SFTPD: variants seen among roughly 807,000 people sequenced by gnomAD.
SFTPD encodes the protein surfactant protein D.
In SFTPD, 18 loss-of-function variants were observed where a neutral mutation model predicts 34.6. That is an observed-to-expected ratio of 0.52 (90% confidence interval 0.36 to 0.77). The LOEUF (loss-of-function observed/expected upper bound fraction) is 0.77. SFTPD is among the 30% of genes least tolerant of loss of function. The probability of loss-of-function intolerance (pLI) is 0.00; values close to 1 mark genes in which losing one functional copy is unlikely to be tolerated. For synonymous variants in SFTPD, 155 were observed against 180.9 expected, an observed-to-expected ratio of 0.86 and a Z score of 1.15; for missense variants, 433 against 468.9, an observed-to-expected ratio of 0.92 and a Z score of 0.71.
In SFTPD at chr10:79,981,501, T is replaced by TC. The variant is rs990525885; in HGVS notation, c.36+1073dup. Among the ~76,000 whole-genome samples the TC allele has an allele frequency of 3.2e-4, 49 of 152,160 alleles. 1 individual carries two copies. The highest frequency in any genetic ancestry group is 1.1e-3 in the African/African-American group (45 of 41,536). On this transcript the variant is annotated intron_variant, in intron 1 of 5. Coordinates refer to the SFTPD transcript ENST00000444384. The stretch of plus-strand genomic sequence containing the variant: ...GCGGCGTGAGGGCTGGGGAACCTCC[T>TC]CCCCGCCTGGGCACCCCGACCTTCG...
intron 1 of SFTPD, among the ~76,000 whole-genome samples, chr10:79,947,562 G>A (rs1380708950): frequency 2.0e-5 from 3 of 152,084 alleles, no homozygotes; most frequent in South Asian, 2.1e-4. Flanking sequence ...GTGGTGGTGC[G>A]TGCTGTAATC....
At chr10:79,971,674 T>C (rs1003500930) in intron 1 of SFTPD, 1 of 152,224 alleles carries the variant, frequency 6.6e-6, no homozygotes, top group Non-Finnish European at 1.5e-5. Context: ...TAATGACCTC[T>C]TCTATTTCTA....
chr10:79,979,667 A>T (rs1348328562), intron 1 of SFTPD, among the ~76,000 whole-genome samples: 1 of 152,212 alleles, frequency 6.6e-6, no homozygotes, highest in Non-Finnish European at 1.5e-5. Flanking sequence ...ACCCACCACC[A>T]TGGGATGAAG....
At chr10:79,938,873 T>A (rs1842584218) in intron 7 of SFTPD, among the ~76,000 whole-genome samples, 1 of 152,116 alleles carries the variant, frequency 6.6e-6, no homozygotes, top group Non-Finnish European at 1.5e-5. Context: ...TCCTAGCCAG[T>A]CAGCCTGCCT....
intron 2 of SFTPD, among the ~76,000 whole-genome samples, chr10:79,943,091 A>G (rs1842630480): frequency 6.6e-6 from 1 of 152,138 alleles, no homozygotes; most frequent in Admixed American, 6.5e-5. Context: ...GAGGCGGATT[A>G]AAGCCAAGAC....
chr10:79,947,486 T>TCC (rs1443704877), intron 1 of SFTPD, among the ~76,000 whole-genome samples: 1 of 152,122 alleles, frequency 6.6e-6, no homozygotes, highest in Non-Finnish European at 1.5e-5. Flanking sequence ...AGTCAGGAGT[T>TCC]CGAGACCAGC....
intron 7 of SFTPD, among the ~76,000 whole-genome samples, chr10:79,939,186 A>G (rs138288091): frequency 1.3e-5 from 2 of 152,300 alleles, no homozygotes; most frequent in African/African-American, 2.4e-5. Flanking sequence ...TGCCTGTGTG[A>G]CATGTCAAGT....
In SFTPD at chr10:79,959,798, G is replaced by A. The variant is rs200315330; in HGVS notation, c.37-13136C>T. 5.1e-4 allele frequency among the ~76,000 whole-genome samples: 77 copies of A among 152,210 alleles called. 1 individual carries two copies. The East Asian group carries it at 0.012, about 24-fold the overall frequency. ...GAATCCTCCCTAACTCATTTTATGA[G>A]GCCAGCATCATCTTGATACCAAAGC... On this transcript the variant is annotated intron_variant, in intron 1 of 5. Transcript: ENST00000444384.
At position 79,942,044 on chromosome 10, in the gene SFTPD, C is replaced by A; in HGVS notation, c.460G>T (p.Gly154Cys). ...GCGAGGCCTCTTGCCCCTGCCGAGC[C>A]CTGCATGCCTGGGGCACCTACTTCT... ...KGEVGAPGMQGSAGARGLAGP... is the reference protein window; with the variant it reads ...KGEVGAPGMQCSAGARGLAGP... The change falls in exon 5 of 8, where the codon GGC (glycine) becomes TGC (cysteine). Residue 154 changes from glycine (G) to cysteine (C), a missense_variant. Coordinates refer to ENST00000372292, the MANE Select transcript of SFTPD (RefSeq NM_003019.5). 1 of 1,613,204 alleles carries A rather than the reference C, an allele frequency of 6.2e-7. No homozygotes were observed. Among genetic ancestry groups the A allele is most frequent in the Non-Finnish European group, 8.5e-7 (1 of 1,179,384 alleles).
In SFTPD at chr10:79,937,920, T is replaced by C; in HGVS notation, c.1060A>G (p.Ile354Val). The C allele has an allele frequency of 6.2e-7, 1 of 1,604,452 alleles. No homozygotes were observed. Among genetic ancestry groups the C allele is most frequent in the Non-Finnish European group, 8.5e-7 (1 of 1,173,764 alleles). Residue 354 changes from isoleucine to valine, a missense_variant, in exon 8 of 8, where the codon ATC (isoleucine) becomes GTC (valine). Coordinates refer to ENST00000372292, the MANE Select transcript of SFTPD (RefSeq NM_003019.5). ...TCATTCCACTTGCCATTGGTGAAGA[T>C]CTCCACACAGTCCTCTGACCCGCCA... is the stretch of plus-strand genomic sequence containing the variant. ...DDGGSEDCVEIFTNGKWNDRA... is the reference protein window; with the variant it reads ...DDGGSEDCVEVFTNGKWNDRA...
chr10:79,944,403 C>T (rs536262446), intron 2 of SFTPD, among the ~76,000 whole-genome samples: 4 of 152,116 alleles, frequency 2.6e-5, no homozygotes, highest in South Asian at 2.1e-4. Context: ...GTAGGGTGGT[C>T]GGGGAGTGCC....
intron 5 of SFTPD, 94 bp from the exon 6 acceptor site, chr10:79,941,608 T>C: frequency 1.1e-6 from 1 of 938,158 alleles, no homozygotes; most frequent in East Asian, 2.4e-5. Context: ...TAACTATCCT[T>C]ATTGCCCAGA....
At chr10:79,942,116 A>G (rs756629862) in intron 4 of SFTPD, 46 bp from the exon 5 acceptor site, 202 of 1,404,412 alleles carry the variant, frequency 1.4e-4, no homozygotes, top group Non-Finnish European at 1.0e-4. Flanking sequence ...GAGCGCGTTC[A>G]GCAGGTGTGG....
At chr10:79,963,702 T>G (rs1018304623) in intron 1 of SFTPD, among the ~76,000 whole-genome samples, 2 of 152,196 alleles carry the variant, frequency 1.3e-5, no homozygotes, top group African/African-American at 4.8e-5. Context: ...TTGCACATTT[T>G]AGGAGCTTAT....
chr10:79,952,971 C>G (rs914727952), upstream of SFTPD, among the ~76,000 whole-genome samples: 1 of 152,234 alleles, frequency 6.6e-6, no homozygotes, highest in Non-Finnish European at 1.5e-5. Context: ...CTACCCTCTC[C>G]ATGGGACTCT....
intron 1 of SFTPD, chr10:79,982,272 G>T: frequency 1.0e-6 from 1 of 971,858 alleles, no homozygotes; most frequent in Non-Finnish European, 1.3e-6. Flanking sequence ...GGGGGCGCTC[G>T]GGCCACCGCG....
At chr10:79,974,681 G>T (rs114852078) in intron 1 of SFTPD, among the ~76,000 whole-genome samples, 2,900 of 152,100 alleles carry the variant, frequency 0.019, 102 homozygotes, top group African/African-American at 0.067. Flanking sequence ...CAACAATCCC[G>T]TCACCTCTCC....
At chr10:79,957,819 G>A (rs1271874679) in intron 1 of SFTPD, among the ~76,000 whole-genome samples, 8 of 152,092 alleles carry the variant, frequency 5.3e-5, no homozygotes, top group East Asian at 1.9e-4. Context: ...GATACTCCTC[G>A]AGAAGAGCAA....
upstream of SFTPD, chr10:79,949,907 A>G (rs1362688808): frequency 3.3e-5 from 5 of 150,080 alleles, no homozygotes; most frequent in African/African-American, 9.9e-5. Context: ...CTAGAGTGCC[A>G]TAATGCATTT....
Sources: allele counts gnomAD v4.1 joint callset (sites outside exome capture counted in the v4.1 genomes callset), GRCh38; gene constraint gnomAD v4.1.1; transcripts MANE v1.5; gene names NCBI Gene and HGNC (gene_info 2026-07-23, HGNC 2026-07-21).